Variants in TRPM6 observed in about 807,000 individuals in gnomAD.
TRPM6 encodes transient receptor potential cation channel subfamily M member 6.
In TRPM6, 111 loss-of-function variants were observed where a neutral mutation model predicts 247.6. The ratio of observed to expected loss-of-function variants is 0.45; its 90% CI spans 0.38 to 0.52. The LOEUF is 0.52. TRPM6 is among the 20% of genes least tolerant of loss of function. The pLI, the probability that TRPM6 is intolerant of heterozygous loss-of-function variation, is 0.00. For synonymous variants in TRPM6, 892 were observed against 853.8 expected, an observed-to-expected ratio of 1.04 and a Z score of -0.78; for missense variants, 2,126 against 2,421.5, an observed-to-expected ratio of 0.88 and a Z score of 2.56.
chr9:74,803,690 A>G (rs750528085), intron 15 of TRPM6, 104 bp downstream of exon 15: 60 of 844,540 alleles, frequency 7.1e-5, no homozygotes, highest in Non-Finnish European at 1.1e-4. Flanking sequence ...GCACTTATAA[A>G]TGGTCCCTCT....
At chr9:74,859,763 G>A (rs1455067154) in intron 1 of TRPM6, among the ~76,000 whole-genome samples, 2 of 146,848 alleles carry the variant, frequency 1.4e-5, no homozygotes, top group African/African-American at 2.5e-5. Flanking sequence ...GGCAGAGCGA[G>A]ACTCTGTCTC....
At chr9:74,849,876 C>G (rs1830240940) in intron 3 of TRPM6, among the ~76,000 whole-genome samples, 1 of 152,228 alleles carries the variant, frequency 6.6e-6, no homozygotes, top group African/African-American at 2.4e-5. Context: ...ACAAGGTGGT[C>G]TCTAATGCCT....
In TRPM6 at chr9:74,724,709, A is replaced by G. The variant is rs1198825801; in HGVS notation, c.5973T>C (p.Asn1991=). The change falls in exon 39 of 39, where the codon AAT becomes AAC. Residue 1991 remains asparagine (N), a synonymous_variant. Transcript: ENST00000360774. Reference sequence around the variant, plus strand: ...TTTTTATCTCAAGTCCAAAGGTGGAATTTATCCTTTCAGGGGAATAGTCAT... The same window carrying G: ...TTTTTATCTCAAGTCCAAAGGTGGAGTTTATCCTTTCAGGGGAATAGTCAT... ...KRNDYSPERI[N]STFGLEIKIE... is the part of the protein sequence containing the mutation. 1 of 1,614,078 alleles carries G rather than the reference A, an allele frequency of 6.2e-7. No individual in the cohort carries two copies. Among genetic ancestry groups the G allele is most frequent in the Non-Finnish European group, 8.5e-7 (1 of 1,180,032 alleles).
intron 1 of TRPM6, among the ~76,000 whole-genome samples, chr9:74,878,545 G>A (rs964253159): frequency 5.3e-5 from 8 of 152,068 alleles, no homozygotes; most frequent in African/African-American, 1.2e-4. Flanking sequence ...AAATCATAAC[G>A]AGACTATACT....
At chr9:74,751,489 C>T (rs1826244146) in intron 29 of TRPM6, among the ~76,000 whole-genome samples, 1 of 152,178 alleles carries the variant, frequency 6.6e-6, no homozygotes, top group Non-Finnish European at 1.5e-5. Context: ...AGATGCTATT[C>T]CTACAAGAAT....
intron 24 of TRPM6, among the ~76,000 whole-genome samples, chr9:74,773,997 C>T (rs1020309803): frequency 8.5e-5 from 13 of 152,090 alleles, no homozygotes; most frequent in Non-Finnish European, 1.2e-4. Context: ...TATGTGGATC[C>T]CTGAGAGCAA....
chr9:74,797,721 C>T (rs190173736), intron 17 of TRPM6, among the ~76,000 whole-genome samples: 14 of 152,064 alleles, frequency 9.2e-5, no homozygotes, highest in South Asian at 2.1e-4. Context: ...TGTATTTAAA[C>T]GTTTAAAAAT....
chr9:74,762,257 A>G lies in TRPM6; in HGVS notation c.4414T>C (p.Trp1472Arg). The change falls in exon 26 of 39, where the codon TGG becomes CGG. Residue 1472 changes from tryptophan to arginine, a missense_variant. Physicochemically the swap from Trp to Arg is moderately radical, Grantham distance 101. Around this residue, in one of 3 missense-constraint regions of TRPM6, gnomAD observed 717 missense variants for 715.9 expected, o/e 1.00. Coordinates refer to ENST00000360774, the MANE Select transcript of TRPM6 (RefSeq NM_017662.5). The part of the protein sequence containing the change: ...ETGVFSIKKK[W>R]QTCLPSTCDS... ...CAAGTGGAGGGCAAGCAGGTTTGCCACTTTTTCTTGATGCTAAACACACCA... is the reference window on the plus strand; with the variant it reads ...CAAGTGGAGGGCAAGCAGGTTTGCCGCTTTTTCTTGATGCTAAACACACCA... The G allele has an allele frequency of 6.2e-7, 1 of 1,614,182 alleles. No individual in the cohort carries two copies. Among genetic ancestry groups the G allele is most frequent in the Non-Finnish European group, 8.5e-7 (1 of 1,180,030 alleles).
intron 38 of TRPM6, among the ~76,000 whole-genome samples, chr9:74,727,710 T>C (rs948728442): frequency 2.6e-5 from 4 of 152,060 alleles, no homozygotes; most frequent in African/African-American, 4.8e-5. Context: ...AATTTTTAAG[T>C]ATGTCATATT....
At chr9:74,833,138 GA>G (rs370712874) in intron 6 of TRPM6, among the ~76,000 whole-genome samples, 15 of 151,890 alleles carry the variant, frequency 9.9e-5, no homozygotes, top group South Asian at 6.2e-4. Context: ...TAGGTAAGCT[GA>G]AAAAAAGCAC....
intron 3 of TRPM6, among the ~76,000 whole-genome samples, chr9:74,854,751 C>T (rs890899903): frequency 2.0e-5 from 3 of 152,156 alleles, no homozygotes; most frequent in African/African-American, 7.2e-5. Context: ...GAAGCCTTGA[C>T]CTCCCAAGTT....
chr9:74,739,980 C>T lies in TRPM6; in HGVS notation c.5230G>A (p.Glu1744Lys). Residue 1744 changes from glutamate (E) to lysine (K), a missense_variant, in exon 34 of 39, where the codon GAG becomes AAG. Glu to Lys is a moderately conservative substitution (Grantham distance 56, BLOSUM62 1). This residue lies in a region of TRPM6 where 327 missense variants were observed against 397.7 expected (regional missense o/e 0.82). Transcript: ENST00000360774. ...AGEEITVYRLEESSPLNLDKS... is the reference protein window; with the variant it reads ...AGEEITVYRLKESSPLNLDKS... ...TCAAGGTTTAAAGGGGAACTCTCCT[C>T]CAACCTGTAGACAGTTATTTCTTCT... 6.2e-7 allele frequency: 1 copy of T among 1,614,104 alleles called. No homozygotes were observed. The highest frequency in any genetic ancestry group is 1.1e-5 in the South Asian group (1 of 91,074).
intron 18 of TRPM6, among the ~76,000 whole-genome samples, chr9:74,793,365 G>T (rs1284341199): frequency 6.6e-6 from 1 of 151,624 alleles, no homozygotes; most frequent in African/African-American, 2.4e-5. Context: ...CCTTTTTTTT[G>T]AGATGAAGTC....
chr9:74,799,634 T>C (rs942856599), intron 17 of TRPM6, among the ~76,000 whole-genome samples: 41 of 152,112 alleles, frequency 2.7e-4, no homozygotes, highest in African/African-American at 9.9e-4. Context: ...TTAGTATTCT[T>C]ACACCGAGAA....
At chr9:74,787,284 G>A (rs1325298043) in intron 20 of TRPM6, among the ~76,000 whole-genome samples, 5 of 149,252 alleles carry the variant, frequency 3.4e-5, no homozygotes, top group African/African-American at 7.4e-5. Context: ...GCAGTGAGCC[G>A]AGATCTCACC....
At chr9:74,809,976 C>CAA (rs57812269) in intron 13 of TRPM6, among the ~76,000 whole-genome samples, 4,097 of 33,498 alleles carry the variant, frequency 0.12, 791 homozygotes, top group East Asian at 0.33. Context: ...AACTCCATCT[C>CAA]AAAAAAAAAA....
intron 27 of TRPM6, among the ~76,000 whole-genome samples, chr9:74,756,681 CAA>C (rs1217543421): frequency 5.8e-5 from 3 of 51,744 alleles, no homozygotes; most frequent in African/African-American, 6.4e-5. Flanking sequence ...CCCGTCTCTA[CAA>C]AAAAAAAAAA....
intron 13 of TRPM6, among the ~76,000 whole-genome samples, chr9:74,810,150 T>C (rs1828678141): frequency 6.6e-6 from 1 of 151,956 alleles, no homozygotes. Flanking sequence ...GACAAATAAA[T>C]AAAAAGTACT....
Position 74,739,804 on chromosome 9 carries a change from A to G in TRPM6, c.5406T>C (p.Ile1802=). The change falls in exon 34 of 39, where the codon ATT becomes ATC. Residue 1802 remains isoleucine (I), a synonymous_variant. Transcript: ENST00000360774. ...CAACCTCAGGAAGAAAGGACTTGAC[A>G]ATGAAAACTTGTCCCGGCTTGAGAA... ...DDILKPGQVF[I]VKSFLPEVVR... is the part of the protein sequence containing the mutation. 6.2e-7 allele frequency: 1 copy of G among 1,614,168 alleles called. No homozygotes were observed. Among genetic ancestry groups the G allele is most frequent in the Non-Finnish European group, 8.5e-7 (1 of 1,180,034 alleles).
Sources: allele counts gnomAD v4.1 joint callset (sites outside exome capture counted in the v4.1 genomes callset), GRCh38; gene constraint gnomAD v4.1.1; regional missense constraint gnomAD v4.1.1; transcripts MANE v1.5; gene names NCBI Gene and HGNC (gene_info 2026-07-23, HGNC 2026-07-21).